The following ZNF407 variants were observed in gnomAD, a reference collection of about 807,000 sequenced individuals.
ZNF407 encodes zinc finger protein 407.
Under a neutral mutation model 131.2 loss-of-function variants are expected in ZNF407, and 17 were observed. The ratio of observed to expected loss-of-function variants is 0.13; its 90% CI spans 0.09 to 0.19. The LOEUF is 0.19. Ranked by LOEUF, ZNF407 falls within the 10% of genes least tolerant of loss-of-function variation. The pLI is 1.00. For synonymous variants in ZNF407, 1,156 were observed against 1,062.0 expected (o/e 1.09, Z -1.72); for missense variants, 2,681 against 2,830.6 (o/e 0.95, Z 1.20).
intron 7 of ZNF407, among the ~76,000 whole-genome samples, chr18:74,914,990 A>G (rs553782441): frequency 1.3e-5 from 2 of 152,338 alleles, no homozygotes; most frequent in African/African-American, 4.8e-5. Flanking sequence ...TCTTCTTGTT[A>G]AAGTATACAT....
At chr18:74,849,667 AC>A in intron 4 of ZNF407, among the ~76,000 whole-genome samples, 1 of 152,170 alleles carries the variant, frequency 6.6e-6, no homozygotes, top group Non-Finnish European at 1.5e-5. Flanking sequence ...ACACCTGTGC[AC>A]CTGCTTAGAC....
At chr18:74,722,054 G>A (rs962221501) in intron 3 of ZNF407, among the ~76,000 whole-genome samples, 2 of 147,786 alleles carry the variant, frequency 1.4e-5, no homozygotes, top group African/African-American at 5.1e-5. Context: ...TTTTCTCACT[G>A]TCTTTGTCTG....
intron 4 of ZNF407, among the ~76,000 whole-genome samples, chr18:74,814,420 C>T (rs903408262): frequency 2.6e-5 from 4 of 152,220 alleles, no homozygotes; most frequent in African/African-American, 9.7e-5. Context: ...TCACCGCTCC[C>T]AGCCACTACT....
chr18:74,755,771 TTCTC>T (rs112828430), intron 3 of ZNF407, among the ~76,000 whole-genome samples: 10 of 130,530 alleles, frequency 7.7e-5, no homozygotes, highest in African/African-American at 3.0e-4. Context: ...CTTTCTTTCT[TTCTC>T]TCTCTCTCTT....
chr18:74,787,468 C>T (rs547074233), intron 4 of ZNF407, among the ~76,000 whole-genome samples: 1 of 152,204 alleles, frequency 6.6e-6, no homozygotes, highest in Non-Finnish European at 1.5e-5. Flanking sequence ...CAAAAGTCAG[C>T]ATCTGTGCTG....
chr18:74,815,381 C>T (rs552248839), intron 4 of ZNF407, among the ~76,000 whole-genome samples: 44 of 152,268 alleles, frequency 2.9e-4, no homozygotes, highest in African/African-American at 9.1e-4. Flanking sequence ...ACCCAAGTAG[C>T]ACAGTGTCGG....
chr18:74,807,450 A>T (rs760552315), intron 4 of ZNF407, among the ~76,000 whole-genome samples: 28 of 152,184 alleles, frequency 1.8e-4, no homozygotes, highest in Non-Finnish European at 3.2e-4. Flanking sequence ...CAAGACTTTG[A>T]ACAGTCACAC....
chr18:75,001,385 G>A (rs889381747), intron 8 of ZNF407, among the ~76,000 whole-genome samples: 5 of 152,136 alleles, frequency 3.3e-5, no homozygotes, highest in Non-Finnish European at 5.9e-5. Context: ...TATGATAAAC[G>A]ATATCTATTA....
chr18:74,735,423 T>C (rs898903472), intron 3 of ZNF407, among the ~76,000 whole-genome samples: 2 of 152,234 alleles, frequency 1.3e-5, no homozygotes, highest in Admixed American at 6.5e-5. Flanking sequence ...TAAGCCATGA[T>C]ACATGATTTT....
At chr18:74,748,560 T>G (rs973274209) in intron 3 of ZNF407, among the ~76,000 whole-genome samples, 13 of 152,196 alleles carry the variant, frequency 8.5e-5, no homozygotes, top group Non-Finnish European at 1.5e-4. Flanking sequence ...TGTTTCTGCT[T>G]CAGTTTTATC....
intron 8 of ZNF407, among the ~76,000 whole-genome samples, chr18:74,970,400 C>T (rs1428504877): frequency 3.3e-5 from 5 of 152,150 alleles, no homozygotes; most frequent in Non-Finnish European, 5.9e-5. Context: ...AAGTCCCTTC[C>T]GCCTATGAGC....
intron 3 of ZNF407, among the ~76,000 whole-genome samples, chr18:74,672,588 G>T (rs1220339036): frequency 6.6e-6 from 1 of 151,302 alleles, no homozygotes; most frequent in Non-Finnish European, 1.5e-5. Context: ...AGCACTGTTT[G>T]TCTGTTTGTT....
At chr18:74,667,031 C>T (rs1568155270) in intron 3 of ZNF407, among the ~76,000 whole-genome samples, 1 of 152,200 alleles carries the variant, frequency 6.6e-6, no homozygotes, top group Non-Finnish European at 1.5e-5. Context: ...TCTCAGTTGT[C>T]TCAGTCTTTC....
intron 8 of ZNF407, among the ~76,000 whole-genome samples, chr18:75,008,485 A>G (rs1972937135): frequency 6.6e-6 from 1 of 152,236 alleles, no homozygotes; most frequent in African/African-American, 2.4e-5. Flanking sequence ...CCCAGGTGAC[A>G]GAAATTGCAG....
chr18:74,982,132 A>G (rs1216190345), intron 8 of ZNF407, among the ~76,000 whole-genome samples: 5 of 152,212 alleles, frequency 3.3e-5, no homozygotes. Flanking sequence ...TATTGAAAAC[A>G]TGTGCCTACA....
intron 3 of ZNF407, among the ~76,000 whole-genome samples, chr18:74,707,893 A>G (rs1967664971): frequency 1.3e-5 from 2 of 152,234 alleles, no homozygotes; most frequent in South Asian, 4.1e-4. Flanking sequence ...TTAGTGATGT[A>G]AATTATAATA....
chr18:74,803,829 T>A lies in ZNF407; in HGVS notation c.4877+22327T>A, dbSNP rs149311151. On this transcript the variant is annotated intron_variant, in intron 4 of 8. Coordinates refer to ENST00000299687, the MANE Select transcript of ZNF407 (RefSeq NM_017757.3). ...AATGACAGAGATAATGTGGTTTTTA[T>A]CAATATTAATACTTTCTGGAGCATG... 6.8e-4 allele frequency: 596 copies of A among 876,196 alleles called. 4 individuals are homozygous for A. The African/African-American group carries it at 9.3e-3, about 14-fold the overall frequency. The allele number at this position is 876,196 out of a possible 1,614,324, so 54.3% of individuals were successfully genotyped here.
intron 4 of ZNF407, among the ~76,000 whole-genome samples, chr18:74,848,414 C>A (rs1002260863): frequency 6.6e-6 from 1 of 152,026 alleles, no homozygotes; most frequent in African/African-American, 2.4e-5. Flanking sequence ...GAAGTAAGGC[C>A]AGTGCTTACA....
chr18:74,830,933 C>T (rs548593630), intron 4 of ZNF407, among the ~76,000 whole-genome samples: 2 of 152,288 alleles, frequency 1.3e-5, no homozygotes, highest in African/African-American at 4.8e-5. Flanking sequence ...CCCTACCCTT[C>T]CCAGCCTGTC....
Sources: allele counts gnomAD v4.1 joint callset (sites outside exome capture counted in the v4.1 genomes callset), GRCh38; gene constraint gnomAD v4.1.1; transcripts MANE v1.5; gene names NCBI Gene and HGNC (gene_info 2026-07-23, HGNC 2026-07-21).